Variants in CD320 observed in about 807,000 individuals in gnomAD.
CD320 encodes the protein CD320 molecule, also known as CD320 antigen.
Under a neutral mutation model 22.1 loss-of-function variants are expected in CD320, and 16 were observed. That is an observed-to-expected ratio of 0.73 (90% confidence interval 0.49 to 1.10). The LOEUF (loss-of-function observed/expected upper bound fraction) is 1.10, where lower values mean the gene tolerates loss of function less well. CD320 is among the 50% of genes least tolerant of loss of function. The pLI is 0.00. For missense variants in CD320, 388 were observed against 376.9 expected, an observed-to-expected ratio of 1.03 and a Z score of -0.24; for synonymous variants, 188 against 167.8, an observed-to-expected ratio of 1.12 and a Z score of -0.93.
chr19:8,306,520 G>A (rs1413295179), intron 1 of CD320, among the ~76,000 whole-genome samples: 1 of 152,142 alleles, frequency 6.6e-6, no homozygotes, highest in Non-Finnish European at 1.5e-5. Context: ...TCCTGGGTGC[G>A]GCCAGGGGAG....
rs779568253 is a variant in CD320 at position 8,305,165 on chromosome 19, T to C, written c.143-9A>G. ...CGAGCCTGAGCTGGGGCCTGCGAGA[T>C]GGATGCAAATGAAGCCTGGGAAGCT... On this transcript the variant is annotated splice_polypyrimidine_tract_variant and intron_variant, in intron 1 of 4. Coordinates refer to ENST00000301458, the MANE Select transcript of CD320 (RefSeq NM_016579.4). 2.5e-6 allele frequency: 4 copies of C among 1,589,606 alleles called. No homozygotes were observed. Among genetic ancestry groups the C allele is most frequent in the Middle Eastern group, 1.7e-4 (1 of 6,052 alleles).
Position 8,302,292 on chromosome 19 carries a change from G to C in CD320, c.*171C>G, listed in dbSNP as rs1289409921. ...CGGATCTCCATAGGGAGTGTCCAGG[G>C]ACCCTCAATCTCCAGGGCCACTTCT... is the stretch of plus-strand genomic sequence containing the variant. On this transcript the variant is annotated 3_prime_UTR_variant, in exon 5 of 5. Coordinates refer to ENST00000301458, the MANE Select transcript of CD320 (RefSeq NM_016579.4). 1 of 816,056 alleles carries C rather than the reference G, an allele frequency of 1.2e-6. No individual in the cohort carries two copies. The highest frequency in any genetic ancestry group is 2.1e-6 in the Non-Finnish European group (1 of 479,640). 50.6% of individuals were successfully genotyped at this position (816,056 alleles called of 1,614,324 possible). A position where few individuals can be genotyped will look rare whatever the true frequency, so the allele number is the denominator to read the frequency against.
At chr19:8,303,815 C>T (rs1158094259) in intron 3 of CD320, 40 bp downstream of exon 3, 3 of 1,371,410 alleles carry the variant, frequency 2.2e-6, no homozygotes, top group East Asian at 4.9e-5. Flanking sequence ...TGGGTGTCCC[C>T]ATCTACCCAC....
At chr19:8,304,971 T>G (rs991840721) in intron 2 of CD320, 60 bp downstream of exon 2, 2 of 1,590,028 alleles carry the variant, frequency 1.3e-6, no homozygotes, top group African/African-American at 1.3e-5. Context: ...GCCTGGCCCC[T>G]GACAAACCAC....
At chr19:8,307,732 A>G (rs1198804965) in intron 1 of CD320, among the ~76,000 whole-genome samples, 1 of 152,138 alleles carries the variant, frequency 6.6e-6, no homozygotes, top group East Asian at 1.9e-4. Context: ...GAACGGTCAC[A>G]AGGCCTGGGC....
At position 8,308,224 on chromosome 19, in the gene CD320, G is replaced by A; in HGVS notation, c.67C>T (p.Leu23=). 5.7e-6 allele frequency: 9 copies of A among 1,577,846 alleles called. No individual in the cohort carries two copies. Among genetic ancestry groups the A allele is most frequent in the East Asian group, 2.3e-5 (1 of 43,536 alleles). The change falls in exon 1 of 5, where the codon CTG becomes TTG. Residue 23 remains leucine (L), a synonymous_variant. Coordinates refer to ENST00000301458, the MANE Select transcript of CD320 (RefSeq NM_016579.4). ...RTGALGLALL[L]LLGLGLGLEA... ...AGGCCTAGTCCGAGGCCGAGCAGCA[G>A]CAGCAGCGCCAGGCCCAGAGCCCCT... is the stretch of plus-strand genomic sequence containing the variant.
Position 8,302,819 on chromosome 19 carries a change from G to A in CD320, c.664C>T (p.Gln222Ter). ...CCATAGGCAGTTGGGCTTCCAGACT[G>A]GTCTCCGGCAGAGGAGGATGTGGCA... ...GNATSSSAGDQSGSPTAYGVI... is the reference protein window; with the variant it reads ...GNATSSSAGD Residue 222 changes from glutamine to a stop codon, truncating the protein, a stop_gained, in exon 4 of 5, where the codon CAG (glutamine) becomes TAG (stop). Coordinates refer to ENST00000301458, the MANE Select transcript of CD320 (RefSeq NM_016579.4). LOFTEE classifies it low-confidence loss of function (END_TRUNC). 1.9e-6 allele frequency: 3 copies of A among 1,614,170 alleles called. No individual in the cohort carries two copies. Among genetic ancestry groups the A allele is most frequent in the Non-Finnish European group, 2.5e-6 (3 of 1,180,018 alleles).
At position 8,308,350 on chromosome 19, in the gene CD320, C is replaced by T; in HGVS notation, c.-60G>A. 1 of 1,549,408 alleles carries T rather than the reference C, an allele frequency of 6.5e-7. No individual in the cohort carries two copies. The highest frequency in any genetic ancestry group is 8.7e-7 in the Non-Finnish European group (1 of 1,153,920). On this transcript the variant is annotated 5_prime_UTR_variant, in exon 1 of 5. It adds an upstream start codon to the 5' untranslated region. Transcript: ENST00000301458. ...CAGACCGCTCTCTTATCCCTGCGCA[C>T]GCGCACGCGCGGGGTTGGGGCGGGG...
intron 1 of CD320, 135 bp downstream of exon 1, chr19:8,308,014 G>C (rs1970119164): frequency 3.2e-6 from 3 of 936,892 alleles, no homozygotes; most frequent in Non-Finnish European, 3.0e-6. Flanking sequence ...CACAAGCGAT[G>C]AAGTCCAAGT....
intron 1 of CD320, 158 bp from the exon 2 acceptor site, chr19:8,305,314 G>A (rs1226568255): frequency 1.2e-6 from 1 of 848,316 alleles, no homozygotes. Flanking sequence ...AGTACGAGTG[G>A]GGTTCAGAGT....
intron 2 of CD320, 161 bp downstream of exon 2, chr19:8,304,870 G>T: frequency 2.7e-6 from 2 of 738,962 alleles, no homozygotes; most frequent in Non-Finnish European, 4.5e-6. Flanking sequence ...CCCAGCCCAA[G>T]CCCATCTTAG....
Position 8,303,986 on chromosome 19 carries a change from A to C in CD320, c.371T>G (p.Leu124Arg). 1 of 1,575,242 alleles carries C rather than the reference A, an allele frequency of 6.3e-7. No individual in the cohort carries two copies. Reference protein sequence around the residue: ...SDCSGGTDKKLRNCSRLACLA... With the variant: ...SDCSGGTDKKRRNCSRLACLA... ...GCAGGCCAGGCGGCTGCAGTTGCGC[A>C]GTTTCTTGTCAGTTCCCCCAGAGCA... Residue 124 changes from leucine (L) to arginine (R), a missense_variant, in exon 3 of 5, where the codon CTG (leucine) becomes CGG (arginine). Physicochemically the swap from Leu to Arg is moderately radical, Grantham distance 102. Transcript: ENST00000301458.
At chr19:8,304,394 G>A (rs1382125462) in intron 2 of CD320, among the ~76,000 whole-genome samples, 2 of 152,160 alleles carry the variant, frequency 1.3e-5, no homozygotes. Flanking sequence ...CCAGGCTGCA[G>A]TGCAGTGGCG....
Position 8,302,801 on chromosome 19 carries a change from C to G in CD320, c.682G>C (p.Ala228Pro). ...SAGDQSGSPT[A>P]YGVIAAAAVL... ...CCAGCAGCTGCAATAACCCCATAGG[C>G]AGTTGGGCTTCCAGACTGGTCTCCG... Residue 228 changes from alanine to proline, a missense_variant, in exon 4 of 5, where the codon GCC (alanine) becomes CCC (proline). By Grantham distance (27) the Ala-to-Pro change is conservative. Transcript: ENST00000301458. 6.2e-7 allele frequency: 1 copy of G among 1,614,198 alleles called. No individual in the cohort carries two copies. The highest frequency in any genetic ancestry group is 1.1e-5 in the South Asian group (1 of 91,080).
Position 8,308,186 on chromosome 19 carries a change from CGCG to C in CD320, c.102_104del (p.Ala35del). 1 of 1,557,958 alleles carries C rather than the reference CGCG, an allele frequency of 6.4e-7. No individual in the cohort carries two copies. Among genetic ancestry groups the C allele is most frequent in the Non-Finnish European group, 8.6e-7 (1 of 1,159,742 alleles). ...CAGAGGTCGGGGTGGAAAGCGGGCT[CGCG>C]GCGGCCTCCAGGCCTAGTCCGAGGC... On this transcript the variant is annotated inframe_deletion, in exon 1 of 5. Coordinates refer to ENST00000301458, the MANE Select transcript of CD320 (RefSeq NM_016579.4).
In CD320 at chr19:8,302,499, G is replaced by A; in HGVS notation, c.813C>T (p.Ser271=). 1 of 1,614,156 alleles carries A rather than the reference G, an allele frequency of 6.2e-7. No homozygotes were observed. Among genetic ancestry groups the A allele is most frequent in the Non-Finnish European group, 8.5e-7 (1 of 1,180,028 alleles). The change falls in exon 5 of 5, where the codon TCC becomes TCT. Residue 271 remains serine (S), a synonymous_variant. Transcript: ENST00000301458. ...PLGLLVAMKE[S]LLLSEQKTSL... Reference sequence around the variant, plus strand: ...AGGTCTTCTGTTCTGACAGCAGCAGGGACTCCTTCATGGCCACCAGTAACC... The same window carrying A: ...AGGTCTTCTGTTCTGACAGCAGCAGAGACTCCTTCATGGCCACCAGTAACC...
At chr19:8,305,314 G>C in intron 1 of CD320, 158 bp from the exon 2 acceptor site, 1 of 848,316 alleles carries the variant, frequency 1.2e-6, no homozygotes. Context: ...AGTACGAGTG[G>C]GGTTCAGAGT....
rs757847169 is a variant in CD320 at position 8,302,625 on chromosome 19, AGAGGAGTAAG to A, written c.707-30_707-21del. On this transcript the variant is annotated intron_variant, in intron 4 of 4. Coordinates refer to ENST00000301458, the MANE Select transcript of CD320 (RefSeq NM_016579.4). ...GCACCGCTGTGGGGAACAGATGGAC[AGAGGAGTAAG>A]GAGGGGGAAGGCAAGAGCCCCCACA... The A allele has an allele frequency of 1.2e-6, 2 of 1,611,872 alleles. No homozygotes were observed. The highest frequency in any genetic ancestry group is 3.3e-5 in the Admixed American group (2 of 59,962).
chr19:8,308,214 C>A lies in CD320; in HGVS notation c.77G>T (p.Gly26Val), dbSNP rs1204733552. Residue 26 changes from glycine (G) to valine (V), a missense_variant, in exon 1 of 5, where the codon GGC becomes GTC. Physicochemically the swap from Gly to Val is moderately radical, Grantham distance 109. Transcript: ENST00000301458. The part of the protein sequence containing the change: ...ALGLALLLLL[G>V]LGLGLEAAAS... ...GGCGGCCTCCAGGCCTAGTCCGAGG[C>A]CGAGCAGCAGCAGCAGCGCCAGGCC... 1.9e-6 allele frequency: 3 copies of A among 1,574,440 alleles called. No individual in the cohort carries two copies. The highest frequency in any genetic ancestry group is 1.3e-5 in the African/African-American group (1 of 74,210).
Sources: allele counts gnomAD v4.1 joint callset (sites outside exome capture counted in the v4.1 genomes callset), GRCh38; gene constraint gnomAD v4.1.1; transcripts MANE v1.5; gene names NCBI Gene and HGNC (gene_info 2026-07-23, HGNC 2026-07-21).